Variants in ELOA observed in about 807,000 individuals in gnomAD.
ELOA encodes the protein elongin A, also known as elongin-A.
ELOA carries 15 observed loss-of-function variants against 85.2 expected under a neutral mutation model. The ratio of observed to expected loss-of-function variants is 0.18; its 90% CI spans 0.12 to 0.27. The LOEUF is 0.27. Ranked by LOEUF, ELOA falls within the 10% of genes least tolerant of loss-of-function variation. The pLI is 1.00. For synonymous variants in ELOA, 348 were observed against 357.2 expected, an observed-to-expected ratio of 0.97 and a Z score of 0.29; for missense variants, 769 against 952.7, an observed-to-expected ratio of 0.81 and a Z score of 2.54.
At position 23,751,964 on chromosome 1, in the gene ELOA, A is replaced by G. The variant is rs772508952; in HGVS notation, c.1359A>G (p.Lys453=). 37 of 1,611,750 alleles carry G rather than the reference A, an allele frequency of 2.3e-5. No homozygotes were observed. In the Admixed American group the frequency reaches 3.4e-4, roughly 15 times the overall value. The part of the protein sequence containing the change: ...STGKNLDSVQ[K]LPKVNKTKSE... ...GTAAAAACTTGGACTCAGTTCAGAA[A>G]TTACCCAAGGTGAACAAAACCAAGT... The change falls in exon 4 of 11, where the codon AAA becomes AAG. Residue 453 remains lysine (K), a synonymous_variant. Transcript: ENST00000613537.
rs1644769474 is a variant in ELOA, at chr1:23,751,307, T to C, written c.702T>C (p.His234=). The change falls in exon 4 of 11, where the codon CAT becomes CAC. Residue 234 remains histidine (H), a synonymous_variant. Coordinates refer to ENST00000613537, the MANE Select transcript of ELOA (RefSeq NM_003198.3). Reference sequence around the variant, plus strand: ...AAGAACGACACCTGGGTGAACCCCATGGGAAAGGGGTTGTGAGTCAAAACA... The same window carrying C: ...AAGAACGACACCTGGGTGAACCCCACGGGAAAGGGGTTGTGAGTCAAAACA... ...ASQERHLGEP[H]GKGVVSQNKE... is the part of the protein sequence containing the mutation. 3 of 1,614,116 alleles carry C rather than the reference T, an allele frequency of 1.9e-6. No homozygotes were observed. The highest frequency in any genetic ancestry group is 2.5e-6 in the Non-Finnish European group (3 of 1,180,010).
chr1:23,754,594 G>A (rs1405857828), intron 7 of ELOA, 134 bp downstream of exon 7: 1 of 707,976 alleles, frequency 1.4e-6, no homozygotes, highest in Non-Finnish European at 2.4e-6. Flanking sequence ...TATTTGGTTT[G>A]CCACTGGGCC....
chr1:23,757,660 A>C (rs1458019783), intron 10 of ELOA, among the ~76,000 whole-genome samples: 1 of 151,860 alleles, frequency 6.6e-6, no homozygotes. Context: ...CACCATGCCC[A>C]CCTAATTTTT....
chr1:23,756,271 C>T lies in ELOA; in HGVS notation c.1973-3C>T. The T allele has an allele frequency of 1.9e-6, 3 of 1,552,518 alleles. No individual in the cohort carries two copies. Among genetic ancestry groups the T allele is most frequent in the South Asian group, 1.2e-5 (1 of 83,776 alleles). ...GCAGATGTTCATCTCCATAATTCCA[C>T]AGGCCGACAAGCAAAGATGGCCTTT... On this transcript the variant is annotated splice_polypyrimidine_tract_variant and splice_region_variant and intron_variant, in intron 8 of 10. Transcript: ENST00000613537.
In ELOA at chr1:23,756,030, G is replaced by A; in HGVS notation, c.1972+7G>A. 6.2e-7 allele frequency: 1 copy of A among 1,610,328 alleles called. No homozygotes were observed. Among genetic ancestry groups the A allele is most frequent in the Non-Finnish European group, 8.5e-7 (1 of 1,178,092 alleles). On this transcript the variant is annotated splice_region_variant and intron_variant, in intron 8 of 10. Coordinates refer to ENST00000613537, the MANE Select transcript of ELOA (RefSeq NM_003198.3). ...CATGCCAATAAGCCCAAAGGTAACA[G>A]AGACGGGAGAGCTGGGGGAGAACTG...
intron 3 of ELOA, 33 bp from the exon 4 acceptor site, chr1:23,750,812 G>T: frequency 6.6e-7 from 1 of 1,524,404 alleles, no homozygotes; most frequent in South Asian, 1.4e-5. Context: ...GCAAGATTTA[G>T]ACCTACTTTG....
intron 4 of ELOA, 141 bp downstream of exon 4, chr1:23,752,171 T>G (rs1234891630): frequency 2.2e-6 from 2 of 918,314 alleles, no homozygotes; most frequent in Non-Finnish European, 3.3e-6. Context: ...TCCTCTGGGC[T>G]TCACTGGTTG....
At chr1:23,757,184 T>C in intron 10 of ELOA, 59 bp downstream of exon 10, 1 of 1,481,098 alleles carries the variant, frequency 6.8e-7, no homozygotes, top group South Asian at 1.4e-5. Context: ...TAACTCTCAA[T>C]GTCATTATTC....
chr1:23,755,085 G>A (rs74860937), intron 7 of ELOA, among the ~76,000 whole-genome samples: 3,192 of 151,984 alleles, frequency 0.021, 104 homozygotes, highest in African/African-American at 0.072. Context: ...CACCACAGCT[G>A]GCTAATATTT....
chr1:23,752,341 A>T (rs1319641072), intron 4 of ELOA, 66 bp from the exon 5 acceptor site: 2 of 1,481,746 alleles, frequency 1.3e-6, no homozygotes, highest in Admixed American at 3.7e-5. Context: ...TCCCGGGAAT[A>T]GACTGTAGGA....
chr1:23,754,044 G>T (rs1411660835), intron 5 of ELOA, 56 bp from the exon 6 acceptor site: 38 of 1,593,372 alleles, frequency 2.4e-5, no homozygotes, highest in Non-Finnish European at 3.2e-5. Context: ...GAAGGGGGTA[G>T]AAGGAGAGTT....
At chr1:23,743,875 G>A (rs1644734737) in intron 1 of ELOA, among the ~76,000 whole-genome samples, 1 of 152,118 alleles carries the variant, frequency 6.6e-6, no homozygotes, top group Non-Finnish European at 1.5e-5. Flanking sequence ...GTGGCGTCCC[G>A]AGCCAGCTGT....
chr1:23,744,683 G>A (rs2124455506), intron 1 of ELOA, among the ~76,000 whole-genome samples: 1 of 152,108 alleles, frequency 6.6e-6, no homozygotes, highest in Middle Eastern at 3.4e-3. Flanking sequence ...GAACTCAGTT[G>A]TCAGGATTTT....
At chr1:23,758,164 T>C (rs1638231054) in intron 10 of ELOA, among the ~76,000 whole-genome samples, 1 of 151,238 alleles carries the variant, frequency 6.6e-6, no homozygotes, top group South Asian at 2.1e-4. Context: ...AACAGCTAAA[T>C]GACAGGCCCT....
At position 23,754,208 on chromosome 1, in the gene ELOA, T is replaced by A; in HGVS notation, c.1646T>A (p.Met549Lys). ...GSKCAYLPKM[M>K]TLHQQCIRVL... ...AAGTGTGCCTATCTCCCTAAAATGA[T>A]GACCTTGCACCAGCAATGCATCCGA... The change falls in exon 6 of 11, where the codon ATG becomes AAG. Residue 549 changes from methionine to lysine, a missense_variant. Physicochemically the swap from Met to Lys is moderately conservative, Grantham distance 95. Coordinates refer to ENST00000613537, the MANE Select transcript of ELOA (RefSeq NM_003198.3). 6.2e-7 allele frequency: 1 copy of A among 1,614,246 alleles called. No homozygotes were observed.
rs1638271526 is a variant in ELOA at position 23,760,151 on chromosome 1, G to C, written c.*578G>C. 6.5e-6 allele frequency: 1 copy of C among 152,840 alleles called. No individual in the cohort carries two copies. The highest frequency in any genetic ancestry group is 2.4e-5 in the African/African-American group (1 of 41,432). The allele number at this position is 152,840 out of a possible 1,614,324, so 9.5% of individuals were successfully genotyped here. A position where few individuals can be genotyped will look rare whatever the true frequency, so the allele number is the denominator to read the frequency against. On this transcript the variant is annotated 3_prime_UTR_variant, in exon 11 of 11. Transcript: ENST00000613537. ...CAAGGGAGCCTCAGTGGGGCGACAG[G>C]GTGCTCGGCGGACTCCACCTCAGGC...
At chr1:23,756,230 A>C (rs2148388157) in intron 8 of ELOA, 44 bp from the exon 9 acceptor site, 1 of 1,515,276 alleles carries the variant, frequency 6.6e-7, no homozygotes, top group East Asian at 2.5e-5. Context: ...TAACAGTAGC[A>C]TCTCTGCTCA....
At chr1:23,747,755 C>A (rs540342520) in intron 1 of ELOA, among the ~76,000 whole-genome samples, 9 of 152,300 alleles carry the variant, frequency 5.9e-5, no homozygotes, top group Non-Finnish European at 1.0e-4. Context: ...TGGCCTCTTA[C>A]TTGATCTCAA....
chr1:23,752,404 C>T lies in ELOA; in HGVS notation c.1426-3C>T. ...TCTCCACCCATGGGTCTGTCCCCTG[C>T]AGGTGCCTGATGTGTTGCCAGTGTT... On this transcript the variant is annotated splice_region_variant and splice_polypyrimidine_tract_variant and intron_variant, in intron 4 of 10. Transcript: ENST00000613537. 6.2e-7 allele frequency: 1 copy of T among 1,613,630 alleles called. No homozygotes were observed. The highest frequency in any genetic ancestry group is 8.5e-7 in the Non-Finnish European group (1 of 1,179,704).
Sources: gnomAD v4.1 joint callset for allele counts (sites outside exome capture counted in the v4.1 genomes callset) on GRCh38, gnomAD v4.1.1 for gene constraint, MANE v1.5 for transcripts, NCBI Gene and HGNC (gene_info 2026-07-23, HGNC 2026-07-21) for gene names.